DNAH6: variants seen among roughly 807,000 people sequenced by gnomAD.
DNAH6 encodes axonemal beta dynein heavy chain 6.
A neutral mutation model predicts 491.4 loss-of-function variants in DNAH6; 340 were observed. That is an observed-to-expected ratio of 0.69 (90% CI 0.63 to 0.76). The LOEUF (loss-of-function observed/expected upper bound fraction) is 0.76. DNAH6 is among the 30% of genes least tolerant of loss of function. The probability of loss-of-function intolerance (pLI) is 0.00; values close to 1 mark genes in which losing one functional copy is unlikely to be tolerated. For synonymous variants in DNAH6, 1,603 were observed against 1,686.1 expected, an observed-to-expected ratio of 0.95 and a Z score of 1.21; for missense variants, 4,443 against 4,972.2, an observed-to-expected ratio of 0.89 and a Z score of 3.20.
the DNAH6 span, among the ~76,000 whole-genome samples, chr2:84,495,713 G>A: frequency 6.6e-6 from 1 of 152,122 alleles, no homozygotes; most frequent in Non-Finnish European, 1.5e-5. Flanking sequence ...ATCTGGTAAT[G>A]CATATATTTG....
intron 11 of DNAH6, among the ~76,000 whole-genome samples, chr2:84,567,894 G>A (rs539427590): frequency 3.9e-4 from 60 of 151,966 alleles, no homozygotes; most frequent in African/African-American, 1.3e-3. Flanking sequence ...TGCAATCTGG[G>A]CAAAGGACAT....
chr2:84,501,671 C>G, the DNAH6 span, among the ~76,000 whole-genome samples: 1 of 22,252 alleles, frequency 4.5e-5, no homozygotes, highest in African/African-American at 1.4e-4. Context: ...TTTTTCTTTA[C>G]TGGGAGACTT....
intron 62 of DNAH6, among the ~76,000 whole-genome samples, chr2:84,742,505 C>T (rs1416167920): frequency 6.6e-6 from 1 of 152,092 alleles, no homozygotes; most frequent in Non-Finnish European, 1.5e-5. Flanking sequence ...ACCAGAGATG[C>T]TACTACACAT....
chr2:84,744,523 T>C (rs1168191132), intron 62 of DNAH6, among the ~76,000 whole-genome samples: 1 of 152,220 alleles, frequency 6.6e-6, no homozygotes, highest in Non-Finnish European at 1.5e-5. Flanking sequence ...ATTCAGCTAT[T>C]ATTTATAGTG....
chr2:84,721,354 C>T (rs1698136241), intron 59 of DNAH6, among the ~76,000 whole-genome samples: 1 of 152,118 alleles, frequency 6.6e-6, no homozygotes, highest in Admixed American at 6.5e-5. Context: ...CCTTCAGCTC[C>T]CTAAGGGGTT....
At chr2:84,489,682 T>C in the DNAH6 span, among the ~76,000 whole-genome samples, 38 of 148,754 alleles carry the variant, frequency 2.6e-4, no homozygotes, top group Non-Finnish European at 7.4e-5. Flanking sequence ...GAATATGGTC[T>C]GTGAACTTGC....
intron 45 of DNAH6, among the ~76,000 whole-genome samples, chr2:84,690,912 G>A (rs979792335): frequency 4.6e-5 from 7 of 152,202 alleles, no homozygotes; most frequent in Admixed American, 4.6e-4. Flanking sequence ...GCTTTTTAAT[G>A]TAGGGTAAGT....
Position 84,768,798 on chromosome 2 carries a change from A to G in DNAH6, c.10703+5853A>G, listed in dbSNP as rs529127977. 9.2e-5 allele frequency among the ~76,000 whole-genome samples: 14 copies of G among 152,310 alleles called. No homozygotes were observed. In the South Asian group the frequency reaches 2.9e-3, roughly 32 times the overall value. ...TTCAATGCCACCAAATCAAAATACCATTTGGTGTTTTGGGTGGAAATTGAC... is the reference window on the plus strand; with the variant it reads ...TTCAATGCCACCAAATCAAAATACCGTTTGGTGTTTTGGGTGGAAATTGAC... On this transcript the variant is annotated intron_variant, in intron 64 of 76. Transcript: ENST00000389394.
intron 64 of DNAH6, chr2:84,777,221 G>T (rs567255152): frequency 5.0e-6 from 1 of 199,616 alleles, no homozygotes; most frequent in Non-Finnish European, 1.0e-5. Context: ...TTGTGCACAC[G>T]TACCCTAGAA....
rs1573313855 is a variant in DNAH6 at position 84,637,374 on chromosome 2, A to G, written c.4818A>G (p.Ala1606=). 1 of 1,543,040 alleles carries G rather than the reference A, an allele frequency of 6.5e-7. No homozygotes were observed. The highest frequency in any genetic ancestry group is 8.8e-7 in the Non-Finnish European group (1 of 1,141,444). The change falls in exon 31 of 77, where the codon GCA becomes GCG. Residue 1606 remains alanine, a synonymous_variant. Coordinates refer to ENST00000389394, the MANE Select transcript of DNAH6 (RefSeq NM_001370.2). ...TGGTTCCAAATTATGCCTTGATTGC[A>G]GAGGTGAGCATCACATTATAAAGCA... The part of the protein sequence containing the change: ...AMMVPNYALI[A]EVILYSEGFE...
At chr2:84,674,072 AG>A (rs1692998648) in intron 40 of DNAH6, among the ~76,000 whole-genome samples, 1 of 152,206 alleles carries the variant, frequency 6.6e-6, no homozygotes, top group African/African-American at 2.4e-5. Flanking sequence ...TGACAAGAAA[AG>A]GGCGGGGGGC....
intron 59 of DNAH6, among the ~76,000 whole-genome samples, chr2:84,719,763 A>G (rs1445813020): frequency 6.6e-6 from 1 of 151,806 alleles, no homozygotes. Context: ...GCCTCAAGCA[A>G]TCCTCCTGCC....
intron 64 of DNAH6, among the ~76,000 whole-genome samples, chr2:84,765,782 A>G (rs889304345): frequency 6.6e-6 from 1 of 152,140 alleles, no homozygotes; most frequent in African/African-American, 2.4e-5. Context: ...TGATCAAGTT[A>G]GATTTCAAAA....
intron 37 of DNAH6, among the ~76,000 whole-genome samples, chr2:84,662,981 G>A (rs1691680949): frequency 1.3e-5 from 2 of 152,178 alleles, no homozygotes; most frequent in South Asian, 4.1e-4. Flanking sequence ...AACAGGGTCT[G>A]GAGTGGACCT....
chr2:84,558,961 G>C (rs1455213813), intron 11 of DNAH6, among the ~76,000 whole-genome samples: 1 of 152,100 alleles, frequency 6.6e-6, no homozygotes, highest in African/African-American at 2.4e-5. Flanking sequence ...TTACCCATTT[G>C]TCAGTCATAA....
At chr2:84,510,772 T>C in the DNAH6 span, among the ~76,000 whole-genome samples, 1 of 152,230 alleles carries the variant, frequency 6.6e-6, no homozygotes, top group Admixed American at 6.5e-5. Context: ...TCCTTTCTGC[T>C]TGTTAGTTTT....
the DNAH6 span, among the ~76,000 whole-genome samples, chr2:84,483,744 A>G: frequency 6.6e-6 from 1 of 152,170 alleles, no homozygotes; most frequent in Non-Finnish European, 1.5e-5. Context: ...AGTATGCCTA[A>G]TGGTGACATT....
intron 70 of DNAH6, 140 bp from the exon 71 acceptor site, chr2:84,805,525 C>CGCCGTATCA: frequency 1.4e-6 from 1 of 720,794 alleles, no homozygotes; most frequent in East Asian, 3.2e-5. Flanking sequence ...GTTAATTGTT[C>CGCCGTATCA]TTACCACAAT....
At chr2:84,711,776 G>A (rs987628172) in intron 56 of DNAH6, among the ~76,000 whole-genome samples, 1 of 152,220 alleles carries the variant, frequency 6.6e-6, no homozygotes, top group African/African-American at 2.4e-5. Flanking sequence ...ACCAAGCTTG[G>A]CCTTGACCAA....
Sources: gnomAD v4.1 joint callset for allele counts (sites outside exome capture counted in the v4.1 genomes callset) on GRCh38, gnomAD v4.1.1 for gene constraint, MANE v1.5 for transcripts, NCBI Gene and HGNC (gene_info 2026-07-23, HGNC 2026-07-21) for gene names.